Variants in CASC3 observed in about 807,000 individuals in gnomAD.
CASC3 encodes protein CASC3.
Under a neutral mutation model 80.5 loss-of-function variants are expected in CASC3, and 30 were observed. The ratio of observed to expected loss-of-function variants is 0.37; its 90% confidence interval spans 0.28 to 0.51. The LOEUF (loss-of-function observed/expected upper bound fraction) is 0.51, where lower values mean the gene tolerates loss of function less well. CASC3 is among the 20% of genes least tolerant of loss of function. CASC3 has a pLI of 0.94. For synonymous variants in CASC3, 312 were observed against 333.6 expected (o/e 0.94, Z 0.70); for missense variants, 824 against 922.2 (o/e 0.89, Z 1.38).
At chr17:40,152,925 C>T (rs1273747569) in intron 3 of CASC3, among the ~76,000 whole-genome samples, 4 of 151,924 alleles carry the variant, frequency 2.6e-5, no homozygotes, top group Non-Finnish European at 5.9e-5. Context: ...TACAAGCGCC[C>T]ACCACCACGC....
chr17:40,140,908 AG>A, intron 1 of CASC3, 129 bp downstream of exon 1: 2 of 751,962 alleles, frequency 2.7e-6, no homozygotes, highest in Non-Finnish European at 4.2e-6. Context: ...TTGAGAGAAA[AG>A]GGGAGTTATC....
chr17:40,147,317 C>T (rs112229539), intron 3 of CASC3, among the ~76,000 whole-genome samples: 1,794 of 152,228 alleles, frequency 0.012, 15 homozygotes, highest in Non-Finnish European at 0.016. Flanking sequence ...ACAACCCCTT[C>T]ATTGATTGAA....
At position 40,169,378 on chromosome 17, in the gene CASC3, G is replaced by A. The variant is rs770928655; in HGVS notation, c.2020G>A (p.Val674Met). 2 of 1,612,964 alleles carry A rather than the reference G, an allele frequency of 1.2e-6. No individual in the cohort carries two copies. Among genetic ancestry groups the A allele is most frequent in the Non-Finnish European group, 8.5e-7 (1 of 1,179,622 alleles). Residue 674 changes from valine (V) to methionine (M), a missense_variant, in exon 12 of 14, where the codon GTG becomes ATG. This residue lies in a region of CASC3 where 464 missense variants were observed against 506.0 expected (regional missense o/e 0.92). Coordinates refer to ENST00000264645, the MANE Select transcript of CASC3 (RefSeq NM_007359.5). The stretch of plus-strand genomic sequence containing the variant: ...CTACTATAACCCCGCCCAGCAGCAG[G>A]TGCAGCCAAAGCCCTCCCCACCCCG... The part of the protein sequence containing the change: ...VTYYNPAQQQ[V>M]QPKPSPPRRT...
Position 40,161,877 on chromosome 17 carries a change from C to A in CASC3, c.422C>A (p.Thr141Asn). The A allele has an allele frequency of 6.2e-7, 1 of 1,614,168 alleles. No individual in the cohort carries two copies. Among genetic ancestry groups the A allele is most frequent in the Non-Finnish European group, 8.5e-7 (1 of 1,180,024 alleles). Reference protein sequence around the residue: ...KGEEKPDTKSTVTGERQSGDG... With the variant: ...KGEEKPDTKSNVTGERQSGDG... ...GAAGAAAAGCCTGACACCAAAAGCA[C>A]TGTGACTGGAGAGAGGCAAAGTGGG... Residue 141 changes from threonine to asparagine, a missense_variant, in exon 4 of 14, where the codon ACT becomes AAT. Coordinates refer to ENST00000264645, the MANE Select transcript of CASC3 (RefSeq NM_007359.5).
intron 3 of CASC3, among the ~76,000 whole-genome samples, chr17:40,157,758 C>T (rs1352409681): frequency 1.3e-5 from 2 of 152,056 alleles, no homozygotes; most frequent in African/African-American, 4.8e-5. Context: ...TTGACTCACC[C>T]AAAACTTAAC....
At position 40,169,127 on chromosome 17, in the gene CASC3, G is replaced by T. The variant is rs1016855982; in HGVS notation, c.1966-197G>T. On this transcript the variant is annotated intron_variant, in intron 11 of 13. Transcript: ENST00000264645. Reference sequence around the variant, plus strand: ...AGAGAAAGCTGGGCAGTACTTTGAAGAAATAAAAACCAGAGCATAATAATG... The same window carrying T: ...AGAGAAAGCTGGGCAGTACTTTGAATAAATAAAAACCAGAGCATAATAATG... 8 of 564,184 alleles carry T rather than the reference G, an allele frequency of 1.4e-5. No individual in the cohort carries two copies. The South Asian group carries it at 2.8e-4, about 20-fold the overall frequency. 34.9% of individuals were successfully genotyped at this position (564,184 alleles called of 1,614,324 possible).
intron 3 of CASC3, among the ~76,000 whole-genome samples, chr17:40,147,701 T>G (rs549037873): frequency 6.6e-6 from 1 of 152,160 alleles, no homozygotes; most frequent in South Asian, 2.1e-4. Flanking sequence ...TGTTGAATGG[T>G]GTTAACTGTT....
At chr17:40,152,578 T>G (rs983076194) in intron 3 of CASC3, among the ~76,000 whole-genome samples, 1 of 151,382 alleles carries the variant, frequency 6.6e-6, no homozygotes, top group Admixed American at 6.6e-5. Context: ...ACTCAGCCTC[T>G]CAAAGTGCTG....
chr17:40,142,566 G>T (rs2145149631), intron 3 of CASC3, among the ~76,000 whole-genome samples: 1 of 152,068 alleles, frequency 6.6e-6, no homozygotes, highest in South Asian at 2.1e-4. Context: ...GAGGCCAGGA[G>T]TTTGAGACCA....
chr17:40,162,629 CTAT>C, intron 5 of CASC3, 93 bp from the exon 6 acceptor site: 1 of 1,134,130 alleles, frequency 8.8e-7, no homozygotes, highest in Non-Finnish European at 1.3e-6. Context: ...CGTAAAGTTC[CTAT>C]TGTCCCCCTG....
intron 6 of CASC3, 22 bp downstream of exon 6, chr17:40,162,923 A>G: frequency 1.9e-6 from 3 of 1,610,040 alleles, no homozygotes; most frequent in Non-Finnish European, 2.5e-6. Flanking sequence ...TTAGAACATA[A>G]GACCAGGCTG....
chr17:40,165,763 G>GTTT (rs915103639), intron 7 of CASC3, among the ~76,000 whole-genome samples: 3 of 123,014 alleles, frequency 2.4e-5, no homozygotes, highest in Non-Finnish European at 3.5e-5. Flanking sequence ...TTTTTTTTTT[G>GTTT]TTTTTTTTTT....
chr17:40,170,641 C>T lies in CASC3; in HGVS notation c.*236C>T. 1.0e-6 allele frequency: 1 copy of T among 985,548 alleles called. No individual in the cohort carries two copies. Among genetic ancestry groups the T allele is most frequent in the African/African-American group, 1.7e-5 (1 of 57,356 alleles). The allele number at this position is 985,548 out of a possible 1,614,324, so 61.1% of individuals were successfully genotyped here. On this transcript the variant is annotated 3_prime_UTR_variant, in exon 14 of 14. Transcript: ENST00000264645. ...CATCTTCACTCTTCACTTGAGTTGGCTGTGTTCGGGGGAGCAGAGAGAGCC... is the reference window on the plus strand; with the variant it reads ...CATCTTCACTCTTCACTTGAGTTGGTTGTGTTCGGGGGAGCAGAGAGAGCC...
Position 40,164,750 on chromosome 17 carries a change from C to CTTTTTTTTTTTT in CASC3, c.1471+596_1471+607dup, listed in dbSNP as rs1022035416. 3.5e-4 allele frequency among the ~76,000 whole-genome samples: 26 copies of CTTTTTTTTTTTT among 74,440 alleles called. 4 individuals are homozygous for CTTTTTTTTTTTT. Among genetic ancestry groups the CTTTTTTTTTTTT allele is most frequent in the African/African-American group, 1.3e-3 (19 of 14,728 alleles). 48.8% of individuals were successfully genotyped at this position (74,440 alleles called of 152,430 possible). ...GTGAGCCACAGCCACCGTGCCTGGCCTTTTTTTTTTTTTTTTTTTTTTTGT... is the reference window on the plus strand; with the variant it reads ...GTGAGCCACAGCCACCGTGCCTGGCCTTTTTTTTTTTTTTTTTTTTTTTTTTTTTTTTTTTGT... On this transcript the variant is annotated intron_variant, in intron 7 of 13. Transcript: ENST00000264645.
At chr17:40,166,775 T>G in intron 7 of CASC3, 22 bp from the exon 8 acceptor site, 1 of 1,572,592 alleles carries the variant, frequency 6.4e-7, no homozygotes, top group Non-Finnish European at 8.6e-7. Flanking sequence ...TCTGCAGAAG[T>G]GACTTTTTTG....
rs1469899649 is a variant in CASC3, at chr17:40,164,175, CAT to C, written c.1471+11_1471+12del. ...ACCACGGGAACTTCGAGGTAGGTAT[CAT>C]AGGATTGGTGGCTAGCTTTTTCCCC... is the stretch of plus-strand genomic sequence containing the variant. On this transcript the variant is annotated intron_variant, in intron 7 of 13. Coordinates refer to ENST00000264645, the MANE Select transcript of CASC3 (RefSeq NM_007359.5). 1.3e-6 allele frequency: 2 copies of C among 1,585,160 alleles called. No individual in the cohort carries two copies. Among genetic ancestry groups the C allele is most frequent in the Non-Finnish European group, 1.7e-6 (2 of 1,168,870 alleles).
chr17:40,143,138 ATAGTAAT>A (rs1410560680), intron 3 of CASC3, among the ~76,000 whole-genome samples: 1 of 151,886 alleles, frequency 6.6e-6, no homozygotes, highest in Non-Finnish European at 1.5e-5. Context: ...TACAAAAAGA[ATAGTAAT>A]TAGAATGAAT....
chr17:40,141,084 C>T (rs41283413), intron 1 of CASC3, 123 bp from the exon 2 acceptor site: 5 of 902,136 alleles, frequency 5.5e-6, no homozygotes, highest in Admixed American at 1.9e-5. Context: ...AAAGATTTAC[C>T]TATCTCTGTC....
At chr17:40,159,324 A>G (rs1394143884) in intron 3 of CASC3, among the ~76,000 whole-genome samples, 1 of 152,130 alleles carries the variant, frequency 6.6e-6, no homozygotes, top group Non-Finnish European at 1.5e-5. Flanking sequence ...CTATTTTTGA[A>G]TATATGTAAA....
Sources: allele counts gnomAD v4.1 joint callset (sites outside exome capture counted in the v4.1 genomes callset), GRCh38; gene constraint gnomAD v4.1.1; regional missense constraint gnomAD v4.1.1; transcripts MANE v1.5; gene names NCBI Gene and HGNC (gene_info 2026-07-23, HGNC 2026-07-21).